Variants in THADA observed in about 807,000 individuals in gnomAD.
THADA encodes the protein tRNA (32-2'-O)-methyltransferase regulator THADA.
A neutral mutation model predicts 219.8 loss-of-function variants in THADA; 213 were observed. That is an observed-to-expected ratio of 0.97 (90% CI 0.87 to 1.09). THADA has a LOEUF of 1.09. Ranked by LOEUF, THADA falls within the 50% of genes least tolerant of loss-of-function variation. THADA has a pLI of 0.00. For synonymous variants in THADA, 1,018 were observed against 828.9 expected, an observed-to-expected ratio of 1.23 and a Z score of -3.92; for missense variants, 2,956 against 2,311.3, an observed-to-expected ratio of 1.28 and a Z score of -5.72.
At chr2:43,274,551 A>C (rs925585852) in intron 36 of THADA, among the ~76,000 whole-genome samples, 1 of 152,228 alleles carries the variant, frequency 6.6e-6, no homozygotes, top group Non-Finnish European at 1.5e-5. Context: ...AAAAGCGTAG[A>C]ATAGCAAAGG....
rs746685339 is a variant in THADA, at chr2:43,508,667, C to T, written c.3488G>A (p.Gly1163Glu). 1.9e-6 allele frequency: 3 copies of T among 1,613,396 alleles called. No homozygotes were observed. In the Admixed American group the frequency reaches 5.0e-5, roughly 27 times the overall value. Residue 1163 changes from glycine (G) to glutamate (E), a missense_variant, in exon 23 of 38, where the codon GGA becomes GAA. Transcript: ENST00000405975. ...AAATACCTGTATGTAGAAAGGAATT[C>T]CAGCACTGCGCCTTGTAGCACAGAG... ...SKLCATRRSA[G>E]IPFYIQALLA...
At chr2:43,533,011 A>T (rs1694086175) in intron 21 of THADA, among the ~76,000 whole-genome samples, 1 of 152,234 alleles carries the variant, frequency 6.6e-6, no homozygotes, top group African/African-American at 2.4e-5. Flanking sequence ...TCTAATATCC[A>T]GAATCTGCAA....
intron 26 of THADA, among the ~76,000 whole-genome samples, chr2:43,460,329 TAAGA>T (rs1683482986): frequency 7.2e-6 from 1 of 139,268 alleles, no homozygotes; most frequent in South Asian, 2.4e-4. Context: ...CCAGTCAGCA[TAAGA>T]AAGAGTTGGC....
intron 29 of THADA, among the ~76,000 whole-genome samples, chr2:43,362,408 C>T (rs1669634257): frequency 6.6e-6 from 1 of 152,160 alleles, no homozygotes; most frequent in South Asian, 2.1e-4. Context: ...TAGGCGATTT[C>T]ATCATGTTAC....
chr2:43,485,092 A>G, intron 26 of THADA, 142 bp downstream of exon 26: 1 of 574,760 alleles, frequency 1.7e-6, no homozygotes, highest in South Asian at 3.0e-5. Flanking sequence ...ACTTGGCAGC[A>G]TAGGTTAATT....
At chr2:43,355,822 A>C (rs1668812981) in intron 29 of THADA, among the ~76,000 whole-genome samples, 1 of 152,238 alleles carries the variant, frequency 6.6e-6, no homozygotes, top group Non-Finnish European at 1.5e-5. Flanking sequence ...GGCATAAATG[A>C]AACAAAATTA....
At chr2:43,387,556 G>A (rs938683435) in intron 29 of THADA, among the ~76,000 whole-genome samples, 12 of 152,112 alleles carry the variant, frequency 7.9e-5, no homozygotes, top group Non-Finnish European at 7.4e-5. Flanking sequence ...GTGGTTGCTG[G>A]TATTTAAGAG....
At chr2:43,276,293 C>G (rs899583633) in intron 36 of THADA, among the ~76,000 whole-genome samples, 1 of 152,154 alleles carries the variant, frequency 6.6e-6, no homozygotes, top group Non-Finnish European at 1.5e-5. Context: ...GCTGAGGGTG[C>G]TTTGGACATT....
intron 31 of THADA, among the ~76,000 whole-genome samples, chr2:43,317,469 C>T (rs1678215382): frequency 6.6e-6 from 1 of 150,646 alleles, no homozygotes; most frequent in South Asian, 2.1e-4. Context: ...ATAATATCAT[C>T]ACATTATTTT....
intron 36 of THADA, among the ~76,000 whole-genome samples, chr2:43,274,998 CT>C (rs1002469067): frequency 0.038 from 2,521 of 66,294 alleles, 27 homozygotes; most frequent in Non-Finnish European, 0.06. Flanking sequence ...CTTTTCTTTT[CT>C]TTTTTTTTTT....
intron 35 of THADA, among the ~76,000 whole-genome samples, chr2:43,281,698 A>G (rs1673385946): frequency 1.3e-5 from 2 of 151,906 alleles, no homozygotes; most frequent in Admixed American, 6.6e-5. Flanking sequence ...CAGCCTCCCA[A>G]AGTGCTGGGA....
chr2:43,358,069 C>A (rs146621835), intron 29 of THADA, among the ~76,000 whole-genome samples: 1 of 151,874 alleles, frequency 6.6e-6, no homozygotes, highest in Non-Finnish European at 1.5e-5. Flanking sequence ...GACTGCATAC[C>A]TGATTCAGCT....
intron 26 of THADA, among the ~76,000 whole-genome samples, chr2:43,442,926 A>G (rs1681030411): frequency 6.6e-6 from 1 of 152,170 alleles, no homozygotes; most frequent in African/African-American, 2.4e-5. Context: ...CCCTCCTGTC[A>G]GACTAACTCC....
At chr2:43,350,284 A>C (rs549070221) in intron 29 of THADA, among the ~76,000 whole-genome samples, 36 of 152,348 alleles carry the variant, frequency 2.4e-4, no homozygotes, top group Middle Eastern at 3.4e-3. Flanking sequence ...GGAGGAATCT[A>C]AACTTTCTAA....
chr2:43,443,440 C>A (rs1681107141), intron 26 of THADA, among the ~76,000 whole-genome samples: 1 of 152,152 alleles, frequency 6.6e-6, no homozygotes, highest in Non-Finnish European at 1.5e-5. Context: ...CACTGGTTTA[C>A]AAACAGTTCA....
Position 43,398,116 on chromosome 2 carries a change from T to A in THADA, c.4082A>T (p.His1361Leu). 1 of 1,613,420 alleles carries A rather than the reference T, an allele frequency of 6.2e-7. No individual in the cohort carries two copies. Among genetic ancestry groups the A allele is most frequent in the Admixed American group, 1.7e-5 (1 of 59,968 alleles). ...GGCACGAGCTGCCATTTCACGGGAG[T>A]GGTAGACAGGTGAGTGACCACACCT... The part of the protein sequence containing the change: ...IMRCGHSPVY[H>L]SREMAARALV... Residue 1361 changes from histidine to leucine, a missense_variant, in exon 29 of 38, where the codon CAC becomes CTC. Transcript: ENST00000405975.
chr2:43,576,595 T>C (rs1209700549), intron 10 of THADA, among the ~76,000 whole-genome samples: 1 of 152,238 alleles, frequency 6.6e-6, no homozygotes, highest in Non-Finnish European at 1.5e-5. Context: ...ACGATAACAT[T>C]GAAAATGTTA....
rs897621872 is a variant in THADA at position 43,572,926 on chromosome 2, G to A, written c.1796C>T (p.Ala599Val). Residue 599 changes from alanine (A) to valine (V), a missense_variant, in exon 12 of 38, where the codon GCA becomes GTA. Ala to Val is a moderately conservative substitution (Grantham distance 64). Transcript: ENST00000405975. ...ATGAGCTCTAGCTATTCGCAGACAT[G>A]CCATCAAAGCTCCCAGAGCCCCCCT... ...NSRGALGALM[A>V]CLRIARAHGH... The A allele has an allele frequency of 1.2e-6, 2 of 1,613,804 alleles. No individual in the cohort carries two copies. Among genetic ancestry groups the A allele is most frequent in the Non-Finnish European group, 1.7e-6 (2 of 1,179,856 alleles).
chr2:43,393,362 A>T (rs916847060), intron 29 of THADA, among the ~76,000 whole-genome samples: 2 of 152,234 alleles, frequency 1.3e-5, no homozygotes, highest in African/African-American at 4.8e-5. Context: ...TGTTATTCAC[A>T]TCAGAGGCAG....
Sources: allele counts gnomAD v4.1 joint callset (sites outside exome capture counted in the v4.1 genomes callset), GRCh38; gene constraint gnomAD v4.1.1; transcripts MANE v1.5; gene names NCBI Gene and HGNC (gene_info 2026-07-23, HGNC 2026-07-21).